Variants in KSR2 observed in about 807,000 individuals in gnomAD.
KSR2 encodes kinase suppressor of ras 2.
KSR2 carries 25 observed loss-of-function variants against 107.8 expected under a neutral mutation model. That is an observed-to-expected ratio of 0.23 (90% CI 0.17 to 0.32). KSR2 has a LOEUF of 0.32. KSR2 is among the 10% of genes least tolerant of loss of function. KSR2 has a pLI of 1.00. For missense variants in KSR2, 887 were observed against 1,268.9 expected (o/e 0.70, Z 4.57); for synonymous variants, 480 against 507.0 (o/e 0.95, Z 0.71).
chr12:117,506,484 G>A (rs879569415), intron 14 of KSR2, among the ~76,000 whole-genome samples: 7 of 152,116 alleles, frequency 4.6e-5, no homozygotes, highest in Non-Finnish European at 1.0e-4. Context: ...TTTGGTGCAC[G>A]CATGTGACAG....
Position 117,766,399 on chromosome 12 carries a change from G to C in KSR2, c.473-4875C>G, listed in dbSNP as rs116898777. Among the ~76,000 whole-genome samples, 609 of 152,314 alleles carry C rather than the reference G, an allele frequency of 4.0e-3. 19 individuals carry two copies. The East Asian group carries it at 0.067, about 17-fold the overall frequency. The stretch of plus-strand genomic sequence containing the variant: ...GGTTGCCAGGAGCTGGGGCTGGCAG[G>C]GAATGGGGAGTGACTGTTAATAGGA... On this transcript the variant is annotated intron_variant, in intron 3 of 19. Coordinates refer to ENST00000339824, the MANE Select transcript of KSR2 (RefSeq NM_173598.6).
At chr12:117,773,323 G>T (rs1387227931) in intron 3 of KSR2, among the ~76,000 whole-genome samples, 1 of 152,188 alleles carries the variant, frequency 6.6e-6, no homozygotes, top group Non-Finnish European at 1.5e-5. Context: ...AAGGTCTGAA[G>T]ATTGATTAAA....
chr12:117,715,357 T>C (rs1886940168), intron 4 of KSR2, among the ~76,000 whole-genome samples: 1 of 152,212 alleles, frequency 6.6e-6, no homozygotes, highest in Non-Finnish European at 1.5e-5. Context: ...CATTCAGGAA[T>C]AATTGAGGGA....
At chr12:117,558,687 A>C in intron 7 of KSR2, 114 bp from the exon 8 acceptor site, 1 of 742,152 alleles carries the variant, frequency 1.3e-6, no homozygotes, top group Non-Finnish European at 2.4e-6. Context: ...GGATGGGTGA[A>C]TGGATGGGTA....
In KSR2 at chr12:117,832,589, C is replaced by T. The variant is rs185218604; in HGVS notation, c.472+22839G>A. On this transcript the variant is annotated intron_variant, in intron 3 of 19. Transcript: ENST00000339824. ...GCAGTGTTCCTGTTACAGAGAGCCA[C>T]GGAGGTCAGGCCAGTAGCTGCCTGA... is the stretch of plus-strand genomic sequence containing the variant. Among the ~76,000 whole-genome samples, 15 of 152,328 alleles carry T rather than the reference C, an allele frequency of 9.8e-5. No homozygotes were observed. In the South Asian group the frequency reaches 1.2e-3, roughly 13 times the overall value.
At chr12:117,521,196 T>G (rs1379679530) in intron 14 of KSR2, among the ~76,000 whole-genome samples, 1 of 152,144 alleles carries the variant, frequency 6.6e-6, no homozygotes, top group African/African-American at 2.4e-5. Context: ...TTTCCTCTCC[T>G]AGGACTCTGG....
intron 5 of KSR2, among the ~76,000 whole-genome samples, chr12:117,611,114 T>C (rs1881573264): frequency 6.6e-6 from 1 of 152,200 alleles, no homozygotes; most frequent in Admixed American, 6.5e-5. Flanking sequence ...TTGTTGTCTA[T>C]AAACCTAAAA....
chr12:117,935,056 G>A (rs1028648824), intron 1 of KSR2, among the ~76,000 whole-genome samples: 1 of 151,624 alleles, frequency 6.6e-6, no homozygotes, highest in African/African-American at 2.4e-5. Flanking sequence ...TCAAACTCCT[G>A]GGTTCAAGTG....
intron 9 of KSR2, among the ~76,000 whole-genome samples, chr12:117,544,814 T>C (rs1056627085): frequency 2.0e-5 from 3 of 152,226 alleles, no homozygotes; most frequent in African/African-American, 2.4e-5. Context: ...CCAATCTGCA[T>C]GTCTTGTTTC....
At chr12:117,714,391 A>C (rs540283976) in intron 4 of KSR2, among the ~76,000 whole-genome samples, 39 of 152,260 alleles carry the variant, frequency 2.6e-4, no homozygotes, top group African/African-American at 8.9e-4. Flanking sequence ...TTTGCCCCCT[A>C]GGGAGCAGCA....
At chr12:117,655,177 C>T (rs1884090963) in intron 5 of KSR2, among the ~76,000 whole-genome samples, 1 of 152,238 alleles carries the variant, frequency 6.6e-6, no homozygotes. Flanking sequence ...TTTGCCTCTC[C>T]TGCACACAAT....
intron 1 of KSR2, among the ~76,000 whole-genome samples, chr12:117,922,214 T>A (rs551533459): frequency 6.6e-6 from 1 of 152,116 alleles, no homozygotes; most frequent in East Asian, 1.9e-4. Context: ...ATTAGCAACA[T>A]CCTACAAAAT....
intron 4 of KSR2, among the ~76,000 whole-genome samples, chr12:117,713,731 C>G (rs1251537463): frequency 6.6e-6 from 1 of 152,196 alleles, no homozygotes; most frequent in Non-Finnish European, 1.5e-5. Context: ...TCACTCTCTC[C>G]TCTCTCCTGT....
At chr12:117,627,401 GA>G (rs767070666) in intron 5 of KSR2, among the ~76,000 whole-genome samples, 2 of 152,182 alleles carry the variant, frequency 1.3e-5, no homozygotes, top group Non-Finnish European at 2.9e-5. Flanking sequence ...GCCTGGTGGT[GA>G]CAAAATCTCT....
chr12:117,798,862 A>G (rs1890732515), intron 3 of KSR2, among the ~76,000 whole-genome samples: 2 of 152,174 alleles, frequency 1.3e-5, no homozygotes, highest in African/African-American at 4.8e-5. Flanking sequence ...ATATGGATAA[A>G]CAAAAGGTAG....
intron 1 of KSR2, among the ~76,000 whole-genome samples, chr12:117,911,028 C>T (rs11068738): frequency 0.091 from 13,858 of 152,110 alleles, 998 homozygotes; most frequent in African/African-American, 0.2. Flanking sequence ...ATAAGTCATG[C>T]CTGATGAACT....
intron 14 of KSR2, 84 bp downstream of exon 14, chr12:117,524,768 G>A: frequency 6.7e-7 from 1 of 1,487,584 alleles, no homozygotes; most frequent in African/African-American, 1.4e-5. Context: ...AACCAGAGTG[G>A]TCAAGTAAGC....
chr12:117,796,653 G>A (rs1566020537), intron 3 of KSR2, among the ~76,000 whole-genome samples: 1 of 152,172 alleles, frequency 6.6e-6, no homozygotes, highest in African/African-American at 2.4e-5. Flanking sequence ...TTCCTCAGCT[G>A]TGAAATGAAT....
Position 117,875,856 on chromosome 12 carries a change from T to TC in KSR2, c.181-15426dup, listed in dbSNP as rs1190035076. The stretch of plus-strand genomic sequence containing the variant: ...GTTTATTGGTTTCCATGGTTACGCC[T>TC]CCCCCCCACCACCACCACACACCCA... On this transcript the variant is annotated intron_variant, in intron 1 of 19. Coordinates refer to ENST00000339824, the MANE Select transcript of KSR2 (RefSeq NM_173598.6). Among the ~76,000 whole-genome samples the TC allele has an allele frequency of 1.3e-3, 199 of 151,272 alleles. 2 individuals are homozygous for TC. The highest frequency in any genetic ancestry group is 4.5e-3 in the African/African-American group (186 of 41,122).
Sources: allele counts gnomAD v4.1 joint callset (sites outside exome capture counted in the v4.1 genomes callset), GRCh38; gene constraint gnomAD v4.1.1; transcripts MANE v1.5; gene names NCBI Gene and HGNC (gene_info 2026-07-23, HGNC 2026-07-21).